ZCCHC14: variants seen among roughly 807,000 people sequenced by gnomAD.
ZCCHC14 encodes zinc finger CCHC domain-containing protein 14.
Under a neutral mutation model 85.0 loss-of-function variants are expected in ZCCHC14, and 16 were observed. The observed-to-expected ratio is 0.19, with a 90% CI of 0.13 to 0.29. ZCCHC14 has a LOEUF of 0.29. ZCCHC14 is among the 10% of genes least tolerant of loss of function. The probability of loss-of-function intolerance (pLI) is 1.00; values close to 1 mark genes in which losing one functional copy is unlikely to be tolerated. For missense variants in ZCCHC14, 1,303 were observed against 1,443.5 expected, an observed-to-expected ratio of 0.90 and a Z score of 1.58; for synonymous variants, 775 against 630.7, an observed-to-expected ratio of 1.23 and a Z score of -3.43.
At chr16:87,432,372 C>A (rs939426438) in intron 3 of ZCCHC14, among the ~76,000 whole-genome samples, 21 of 152,224 alleles carry the variant, frequency 1.4e-4, no homozygotes, top group African/African-American at 5.1e-4. Context: ...TGTCTAGAGG[C>A]TGCTTTCAGG....
rs79319720 is a variant in ZCCHC14, at chr16:87,417,752, A to C, written c.1101-10T>G. ...CACTCCACACACAGGCCTGTGGGAC[A>C]GGGGCAGGAGGGACACAGAGAGACT... On this transcript the variant is annotated splice_polypyrimidine_tract_variant and intron_variant, in intron 7 of 12. Transcript: ENST00000671377. 1 of 1,567,400 alleles carries C rather than the reference A, an allele frequency of 6.4e-7. No homozygotes were observed. The highest frequency in any genetic ancestry group is 2.2e-5 in the East Asian group (1 of 44,486).
At chr16:87,446,667 G>C (rs1324805826) in intron 2 of ZCCHC14, among the ~76,000 whole-genome samples, 1 of 151,964 alleles carries the variant, frequency 6.6e-6, no homozygotes, top group Admixed American at 6.6e-5. Flanking sequence ...GCTTTCCTTG[G>C]TTTATAGCTG....
intron 1 of ZCCHC14, 143 bp from the exon 2 acceptor site, chr16:87,460,274 C>A: frequency 8.4e-7 from 1 of 1,188,878 alleles, no homozygotes; most frequent in Non-Finnish European, 1.1e-6. Flanking sequence ...AAGCCTTCCC[C>A]AAGAAAGATG....
intron 1 of ZCCHC14, among the ~76,000 whole-genome samples, chr16:87,488,899 G>T (rs1226407343): frequency 1.3e-5 from 2 of 152,178 alleles, no homozygotes; most frequent in Non-Finnish European, 2.9e-5. Context: ...ATTCAAATTG[G>T]ATAAAGAATT....
At chr16:87,447,225 G>T (rs1333114222) in intron 2 of ZCCHC14, among the ~76,000 whole-genome samples, 4 of 147,860 alleles carry the variant, frequency 2.7e-5, no homozygotes, top group Admixed American at 6.6e-5. Flanking sequence ...ACATATTTTG[G>T]GCCAGGGGGA....
chr16:87,424,390 T>C (rs1163329964), intron 3 of ZCCHC14, among the ~76,000 whole-genome samples: 1 of 152,086 alleles, frequency 6.6e-6, no homozygotes, highest in Non-Finnish European at 1.5e-5. Flanking sequence ...AGTCCATTGA[T>C]AGCAACAGGA....
At chr16:87,475,095 G>C (rs1032281578) in intron 1 of ZCCHC14, among the ~76,000 whole-genome samples, 3 of 152,156 alleles carry the variant, frequency 2.0e-5, no homozygotes, top group Admixed American at 6.5e-5. Flanking sequence ...GTACAAAGAG[G>C]AAAGAGTTAG....
rs1414785713 is a variant in ZCCHC14, at chr16:87,492,678, C to G, written c.-440G>C. 2 of 145,822 alleles carry G rather than the reference C, an allele frequency of 1.4e-5. No individual in the cohort carries two copies. The highest frequency in any genetic ancestry group is 3.0e-5 in the Non-Finnish European group (2 of 65,620). 9.0% of individuals were successfully genotyped at this position (145,822 alleles called of 1,614,324 possible). On this transcript the variant is annotated 5_prime_UTR_variant, in exon 1 of 13. Coordinates refer to ENST00000671377, the MANE Select transcript of ZCCHC14 (RefSeq NM_015144.3). This position sits in a 1 kb window ranked among gnomAD's most constrained non-coding sequence, Gnocchi z 6.7. Reference sequence around the variant, plus strand: ...CCGCAGGGTCTGTCACTGCGGGCCGCCCCCCGACGGAGCCGCCCCGGCCAT... The same window carrying G: ...CCGCAGGGTCTGTCACTGCGGGCCGGCCCCCGACGGAGCCGCCCCGGCCAT...
intron 2 of ZCCHC14, among the ~76,000 whole-genome samples, chr16:87,453,231 G>T (rs946885105): frequency 2.6e-5 from 4 of 152,208 alleles, no homozygotes; most frequent in African/African-American, 9.6e-5. Context: ...GCATGACCTG[G>T]GCCCGCTGGG....
chr16:87,436,965 C>A (rs1483671328), intron 2 of ZCCHC14, among the ~76,000 whole-genome samples: 2 of 152,166 alleles, frequency 1.3e-5, no homozygotes, highest in East Asian at 3.8e-4. Flanking sequence ...AACCCACTTC[C>A]AGTCTGCCCC....
rs115691124 is a variant in ZCCHC14 at position 87,486,470 on chromosome 16, C to T, written c.570+5199G>A. Among the ~76,000 whole-genome samples the T allele has an allele frequency of 4.2e-3, 639 of 152,298 alleles. 4 individuals carry two copies. Among genetic ancestry groups the T allele is most frequent in the African/African-American group, 0.015 (605 of 41,550 alleles). ...TCTACAATGTGGCCCAGAGGTGTAG[C>T]GGGTTCTGCCACCCAGGTCTGTGCA... On this transcript the variant is annotated intron_variant, in intron 1 of 12. Coordinates refer to ENST00000671377, the MANE Select transcript of ZCCHC14 (RefSeq NM_015144.3).
intron 3 of ZCCHC14, among the ~76,000 whole-genome samples, chr16:87,427,150 A>T (rs1909413601): frequency 6.6e-6 from 1 of 152,234 alleles, no homozygotes; most frequent in Non-Finnish European, 1.5e-5. Context: ...AGACATGAAG[A>T]CACCCAGAAT....
intron 10 of ZCCHC14, 54 bp from the exon 11 acceptor site, chr16:87,413,249 C>G (rs542049296): frequency 6.8e-7 from 1 of 1,467,622 alleles, no homozygotes; most frequent in Non-Finnish European, 9.0e-7. Flanking sequence ...GCAGGCTCAG[C>G]CCGCCCCGTG....
chr16:87,446,615 ACT>A (rs1475073476), intron 2 of ZCCHC14, among the ~76,000 whole-genome samples: 2 of 152,168 alleles, frequency 1.3e-5, no homozygotes, highest in East Asian at 3.9e-4. Flanking sequence ...CTGACAACAA[ACT>A]CTACCTTTTG....
At chr16:87,427,572 A>G (rs1909437695) in intron 3 of ZCCHC14, among the ~76,000 whole-genome samples, 1 of 152,184 alleles carries the variant, frequency 6.6e-6, no homozygotes, top group Admixed American at 6.5e-5. Context: ...AAAAGATAAC[A>G]CTAAAATAAC....
chr16:87,444,192 C>T (rs1269349642), intron 2 of ZCCHC14, among the ~76,000 whole-genome samples: 2 of 152,182 alleles, frequency 1.3e-5, no homozygotes. Context: ...CCATTTCCCA[C>T]TAAATGAACC....
chr16:87,486,621 G>C (rs1383283944), intron 1 of ZCCHC14, among the ~76,000 whole-genome samples: 1 of 152,090 alleles, frequency 6.6e-6, no homozygotes, highest in Non-Finnish European at 1.5e-5. Flanking sequence ...ACTTTACTAT[G>C]AAACAGGACA....
intron 1 of ZCCHC14, chr16:87,472,455 G>C (rs1410934882): frequency 2.0e-5 from 3 of 152,322 alleles, no homozygotes. Flanking sequence ...CTCTCCCTCA[G>C]AGCTTCTCTC....
At chr16:87,443,231 G>T (rs548878629) in intron 2 of ZCCHC14, among the ~76,000 whole-genome samples, 2 of 152,310 alleles carry the variant, frequency 1.3e-5, no homozygotes, top group African/African-American at 4.8e-5. Flanking sequence ...GATGGTGGTC[G>T]GGTTTCCACC....
Sources: gnomAD v4.1 joint callset for allele counts (sites outside exome capture counted in the v4.1 genomes callset) on GRCh38, gnomAD v4.1.1 for gene constraint, Gnocchi (gnomAD v3.1) non-coding constraint, MANE v1.5 for transcripts, NCBI Gene and HGNC (gene_info 2026-07-23, HGNC 2026-07-21) for gene names.